The following CLPTM1L variants were observed in gnomAD, a reference collection of about 807,000 sequenced individuals.
CLPTM1L encodes the protein lipid scramblase CLPTM1L.
CLPTM1L carries 38 observed loss-of-function variants against 70.9 expected under a neutral mutation model. That is an observed-to-expected ratio of 0.54 (90% confidence interval 0.41 to 0.70). CLPTM1L has a LOEUF of 0.70. Among genes scored for constraint, CLPTM1L ranks in the 30% least tolerant of loss-of-function variants. The pLI is 0.00. For missense variants in CLPTM1L, 652 were observed against 705.9 expected (o/e 0.92, Z 0.87); for synonymous variants, 339 against 299.9 (o/e 1.13, Z -1.35).
intron 8 of CLPTM1L, chr5:1,331,344 A>C: frequency 5.6e-6 from 1 of 177,494 alleles, no homozygotes; most frequent in Non-Finnish European, 1.2e-5. Flanking sequence ...CCACGGGCCT[A>C]TTAACTGCCA....
chr5:1,323,909 C>T (rs376967202), intron 11 of CLPTM1L, 40 bp from the exon 12 acceptor site: 21 of 1,462,118 alleles, frequency 1.4e-5, no homozygotes, highest in Admixed American at 5.0e-5. Flanking sequence ...GAGGCCCAAA[C>T]GCCAAGCCTC....
intron 5 of CLPTM1L, among the ~76,000 whole-genome samples, chr5:1,337,585 T>C (rs140535446): frequency 2.0e-3 from 306 of 152,344 alleles, no homozygotes; most frequent in African/African-American, 7.1e-3. Context: ...GCAGACGCTG[T>C]TTCACACGGT....
rs1019380670 is a variant in CLPTM1L at position 1,318,096 on chromosome 5, G to A, written c.*273C>T. The A allele has an allele frequency of 2.1e-5, 10 of 473,856 alleles. No homozygotes were observed. Among genetic ancestry groups the A allele is most frequent in the African/African-American group, 1.2e-4 (6 of 50,456 alleles). 29.4% of individuals were successfully genotyped at this position (473,856 alleles called of 1,614,324 possible). ...CCCCTGCCCGCGTGAGGACATGGCCGAACCCCGGACACTCGTGTGCCGGGA... is the reference window on the plus strand; with the variant it reads ...CCCCTGCCCGCGTGAGGACATGGCCAAACCCCGGACACTCGTGTGCCGGGA... On this transcript the variant is annotated 3_prime_UTR_variant, in exon 17 of 17. Transcript: ENST00000320895. The surrounding 1 kb of genome is among the most constrained non-coding windows in gnomAD (Gnocchi z 8.9).
chr5:1,325,052 C>T, intron 10 of CLPTM1L: 1 of 587,446 alleles, frequency 1.7e-6, no homozygotes, highest in Middle Eastern at 4.5e-4. Context: ...GGCCTCACTG[C>T]TGTTCCTTGC....
At chr5:1,333,948 G>A (rs1251176430) in intron 7 of CLPTM1L, among the ~76,000 whole-genome samples, 1 of 152,134 alleles carries the variant, frequency 6.6e-6, no homozygotes, top group East Asian at 1.9e-4. Flanking sequence ...CTGGGCAGGG[G>A]AGAGTGAGAT....
chr5:1,325,354 T>C (rs1752456470), intron 10 of CLPTM1L: 1 of 261,002 alleles, frequency 3.8e-6, no homozygotes, highest in Non-Finnish European at 7.3e-6. Context: ...GCCCAGGCAC[T>C]GGGGCAGCCA....
intron 5 of CLPTM1L, among the ~76,000 whole-genome samples, chr5:1,336,663 A>G (rs1753594023): frequency 1.3e-5 from 2 of 152,302 alleles, no homozygotes; most frequent in African/African-American, 4.8e-5. Flanking sequence ...GCAAACAGAG[A>G]AAGAGGTTGG....
At chr5:1,321,609 G>T in intron 15 of CLPTM1L, 26 bp downstream of exon 15, 1 of 1,606,734 alleles carries the variant, frequency 6.2e-7, no homozygotes, top group Non-Finnish European at 8.5e-7. Flanking sequence ...AGTGAGAAGG[G>T]ATTCCTCACC....
intron 13 of CLPTM1L, 37 bp from the exon 14 acceptor site, chr5:1,321,856 G>A: frequency 6.3e-7 from 1 of 1,592,736 alleles, no homozygotes; most frequent in Admixed American, 1.7e-5. Context: ...AGGTGCGGAG[G>A]GCCGGGCTGC....
rs376054004 is a variant in CLPTM1L at position 1,341,671 on chromosome 5, C to T, written c.453G>A (p.Gln151=). 1 of 1,602,428 alleles carries T rather than the reference C, an allele frequency of 6.2e-7. No homozygotes were observed. The highest frequency in any genetic ancestry group is 1.3e-5 in the African/African-American group (1 of 74,700). ...INLLTGESDT[Q]QIEAEKKPTS... ...ATCAGTAACCCATGAAGACCCTCAC[C>T]TGTGTATCAGACTCCCCGGTGAGCA... Residue 151 remains glutamine, a splice_region_variant and synonymous_variant, in exon 3 of 17, where the codon CAG becomes CAA. Transcript: ENST00000320895.
At position 1,323,804 on chromosome 5, in the gene CLPTM1L, C is replaced by T; in HGVS notation, c.1263G>A (p.Leu421=). 1.9e-6 allele frequency: 3 copies of T among 1,613,362 alleles called. No individual in the cohort carries two copies. Among genetic ancestry groups the T allele is most frequent in the Non-Finnish European group, 2.5e-6 (3 of 1,179,494 alleles). The change falls in exon 12 of 17, where the codon CTG becomes CTA. Residue 421 remains leucine, a synonymous_variant. Coordinates refer to ENST00000320895, the MANE Select transcript of CLPTM1L (RefSeq NM_030782.5). The part of the protein sequence containing the change: ...LCVGGAVYSL[L]NIKYKSWYSW... ...CCTCCTACCTCTTATATTTGATATT[C>T]AGGAGTGAATAGACAGCACCCCCGA...
intron 3 of CLPTM1L, among the ~76,000 whole-genome samples, chr5:1,341,302 A>G (rs537809499): frequency 5.8e-4 from 89 of 152,356 alleles, no homozygotes; most frequent in African/African-American, 2.1e-3. Flanking sequence ...ATGCAGAATG[A>G]GCCCAGCTCT....
chr5:1,344,499 G>A lies in CLPTM1L; in HGVS notation c.163-48C>T, dbSNP rs766273199. 9 of 1,554,392 alleles carry A rather than the reference G, an allele frequency of 5.8e-6. No individual in the cohort carries two copies. In the Admixed American group the frequency reaches 6.7e-5, roughly 12 times the overall value. On this transcript the variant is annotated intron_variant, in intron 1 of 16. Transcript: ENST00000320895. Reference sequence around the variant, plus strand: ...AGTCAGCTCGGCCAGGCCCTGGCAGGACGCACTCAAATCCCACGGCCAGCT... The same window carrying A: ...AGTCAGCTCGGCCAGGCCCTGGCAGAACGCACTCAAATCCCACGGCCAGCT...
At chr5:1,332,149 A>AT (rs1267018480) in intron 7 of CLPTM1L, 13 of 473,364 alleles carry the variant, frequency 2.7e-5, no homozygotes, top group Non-Finnish European at 4.6e-5. Context: ...CCCCCAGGCA[A>AT]TTGGAGGCTC....
rs569694753 is a variant in CLPTM1L, at chr5:1,324,095, G to A, written c.1198-226C>T. On this transcript the variant is annotated intron_variant, in intron 11 of 16. Transcript: ENST00000320895. ...CCAGAGCCCGGGTGTAACTACAGGC[G>A]CTAGTTAACAATAATAGATCAATTC... The A allele has an allele frequency of 1.4e-5, 8 of 560,966 alleles. No homozygotes were observed. In the East Asian group the frequency reaches 1.7e-4, roughly 12 times the overall value. The allele number at this position is 560,966 out of a possible 1,614,324, so 34.7% of individuals were successfully genotyped here. A position where few individuals can be genotyped will look rare whatever the true frequency, so the allele number is the denominator to read the frequency against.
chr5:1,333,108 C>A (rs376203117), intron 7 of CLPTM1L, among the ~76,000 whole-genome samples: 1 of 65,778 alleles, frequency 1.5e-5, no homozygotes, highest in African/African-American at 7.4e-5. Context: ...TAAGGGGGGA[C>A]TACTGTAGAC....
intron 7 of CLPTM1L, among the ~76,000 whole-genome samples, chr5:1,333,233 G>A (rs1168610532): frequency 4.0e-5 from 2 of 49,776 alleles, no homozygotes; most frequent in Non-Finnish European, 6.8e-5. Context: ...GGATAAGGGG[G>A]GACTACTGTA....
At chr5:1,325,014 G>A in intron 10 of CLPTM1L, 2 of 605,050 alleles carry the variant, frequency 3.3e-6, no homozygotes, top group South Asian at 4.0e-5. Context: ...CCTGGCCCTG[G>A]GTCCCACAAG....
At chr5:1,327,562 G>C (rs866107151) in intron 9 of CLPTM1L, among the ~76,000 whole-genome samples, 5,575 of 39,074 alleles carry the variant, frequency 0.14, 45 homozygotes, top group African/African-American at 0.23. Flanking sequence ...TCCAGCTCCT[G>C]CTCTACAGGG....
Sources: gnomAD v4.1 joint callset for allele counts (sites outside exome capture counted in the v4.1 genomes callset) on GRCh38, gnomAD v4.1.1 for gene constraint, Gnocchi (gnomAD v3.1) non-coding constraint, MANE v1.5 for transcripts, NCBI Gene and HGNC (gene_info 2026-07-23, HGNC 2026-07-21) for gene names.